ABLIM1: variants seen among roughly 807,000 people sequenced by gnomAD.
The protein encoded by ABLIM1 is actin-binding LIM protein 1.
ABLIM1 carries 40 observed loss-of-function variants against 107.0 expected under a neutral mutation model. The observed-to-expected ratio is 0.37, with a 90% CI of 0.29 to 0.49. The LOEUF is 0.49. Among genes scored for constraint, ABLIM1 ranks in the 20% least tolerant of loss-of-function variants. The probability of loss-of-function intolerance (pLI) is 0.97; values close to 1 mark genes in which losing one functional copy is unlikely to be tolerated. For missense variants in ABLIM1, 857 were observed against 1,008.5 expected, an observed-to-expected ratio of 0.85 and a Z score of 2.04; for synonymous variants, 357 against 357.3, an observed-to-expected ratio of 1.00 and a Z score of 0.01.
intron 1 of ABLIM1, among the ~76,000 whole-genome samples, chr10:114,741,030 C>A (rs1238875311): frequency 1.4e-5 from 2 of 147,702 alleles, no homozygotes; most frequent in Admixed American, 6.8e-5. Context: ...GAGATCCTGT[C>A]TCAAAAAAAA....
At chr10:114,779,295 G>A in the ABLIM1 span, 28 of 152,196 alleles carry the variant, frequency 1.8e-4, no homozygotes, top group Non-Finnish European at 3.2e-4. Context: ...TTACAAAGGA[G>A]GAAACTGAAG....
chr10:114,465,879 C>T (rs777870998), intron 11 of ABLIM1, 52 bp from the exon 12 acceptor site: 1 of 1,584,896 alleles, frequency 6.3e-7, no homozygotes, highest in Non-Finnish European at 8.6e-7. Flanking sequence ...CAGTAGGAAC[C>T]ACGCTTCACA....
At chr10:114,476,646 AAATAATAAT>A (rs141618382) in intron 8 of ABLIM1, among the ~76,000 whole-genome samples, 24 of 143,278 alleles carry the variant, frequency 1.7e-4, no homozygotes, top group South Asian at 4.5e-4. Context: ...CTCTGCCTCA[AAATAATAAT>A]AATAATAATA....
intron 6 of ABLIM1, among the ~76,000 whole-genome samples, chr10:114,495,527 T>C (rs2059552958): frequency 6.6e-6 from 1 of 152,010 alleles, no homozygotes; most frequent in South Asian, 2.1e-4. Flanking sequence ...GTGATGGTAA[T>C]GATGGTGACA....
chr10:114,451,077 T>A (rs1168853526), intron 14 of ABLIM1, among the ~76,000 whole-genome samples: 1 of 152,118 alleles, frequency 6.6e-6, no homozygotes, highest in Admixed American at 6.5e-5. Flanking sequence ...CACAGAGAAA[T>A]GACGTCACAG....
Position 114,601,049 on chromosome 10 carries a change from T to TAC in ABLIM1, c.379+776_379+777dup, listed in dbSNP as rs59709817. 7.1e-3 allele frequency among the ~76,000 whole-genome samples: 914 copies of TAC among 128,562 alleles called. 2 individuals are homozygous for TAC. The highest frequency in any genetic ancestry group is 8.5e-3 in the Non-Finnish European group (524 of 61,512). 84.3% of individuals were successfully genotyped at this position (128,562 alleles called of 152,430 possible). A position where few individuals can be genotyped will look rare whatever the true frequency, so the allele number is the denominator to read the frequency against. ...TTGTTGCTTAATTCTCACATCTCAA[T>TAC]ACACACACACACACACACACACACA... On this transcript the variant is annotated intron_variant, in intron 2 of 22. Transcript: ENST00000533213.
At chr10:114,590,075 A>G (rs1235560087) in intron 2 of ABLIM1, among the ~76,000 whole-genome samples, 1 of 152,158 alleles carries the variant, frequency 6.6e-6, no homozygotes, top group Non-Finnish European at 1.5e-5. Flanking sequence ...AGATACACAA[A>G]TACTTACCAT....
At chr10:114,584,370 T>C (rs2073963995) in intron 2 of ABLIM1, among the ~76,000 whole-genome samples, 1 of 152,178 alleles carries the variant, frequency 6.6e-6, no homozygotes, top group Non-Finnish European at 1.5e-5. Flanking sequence ...TGTTAGTCTA[T>C]TCATCAAACC....
rs114282571 is a variant in ABLIM1 at position 114,449,223 on chromosome 10, A to G, written c.1595-1203T>C. 4.2e-3 allele frequency among the ~76,000 whole-genome samples: 646 copies of G among 152,364 alleles called. 6 individuals carry two copies. Among genetic ancestry groups the G allele is most frequent in the African/African-American group, 0.015 (617 of 41,592 alleles). On this transcript the variant is annotated intron_variant, in intron 14 of 22. Transcript: ENST00000533213. ...GCAAAACAAACCAGGTTAAATGGAC[A>G]GTCCCTGATTCTGGCTAATTTTGCA...
At chr10:114,527,352 T>C (rs1022615677) in intron 6 of ABLIM1, among the ~76,000 whole-genome samples, 2 of 152,254 alleles carry the variant, frequency 1.3e-5, no homozygotes, top group Admixed American at 1.3e-4. Context: ...ACAAATATGA[T>C]TGGAAAACCT....
At chr10:114,681,706 G>A (rs185736141) in intron 1 of ABLIM1, among the ~76,000 whole-genome samples, 45 of 152,348 alleles carry the variant, frequency 3.0e-4, no homozygotes, top group Non-Finnish European at 4.9e-4. Context: ...CCTGTTCCAG[G>A]AAGATATTCA....
intron 1 of ABLIM1, among the ~76,000 whole-genome samples, chr10:114,637,714 A>G (rs1470003424): frequency 6.6e-6 from 1 of 152,216 alleles, no homozygotes; most frequent in Non-Finnish European, 1.5e-5. Context: ...CAAAAAATAA[A>G]TCATTTTCCT....
At chr10:114,463,743 T>C (rs1044427925) in intron 12 of ABLIM1, among the ~76,000 whole-genome samples, 1 of 152,112 alleles carries the variant, frequency 6.6e-6, no homozygotes, top group African/African-American at 2.4e-5. Flanking sequence ...GAATGGACCA[T>C]TCAAATTCAA....
chr10:114,567,033 A>C (rs1446338116), intron 4 of ABLIM1, among the ~76,000 whole-genome samples: 1 of 152,244 alleles, frequency 6.6e-6, no homozygotes, highest in Non-Finnish European at 1.5e-5. Flanking sequence ...TGGGCGACAG[A>C]GCGAGACTCT....
intron 1 of ABLIM1, among the ~76,000 whole-genome samples, chr10:114,667,136 C>G (rs865890738): frequency 1.9e-4 from 29 of 152,294 alleles, no homozygotes; most frequent in Middle Eastern, 6.8e-3. Flanking sequence ...GATTTAAACC[C>G]TCCTACTCAC....
intron 2 of ABLIM1, among the ~76,000 whole-genome samples, chr10:114,597,927 C>T (rs2075592316): frequency 6.6e-6 from 1 of 152,170 alleles, no homozygotes; most frequent in South Asian, 2.1e-4. Flanking sequence ...TAGAACTGTG[C>T]TGTCCAATAC....
At position 114,580,206 on chromosome 10, in the gene ABLIM1, T is replaced by A. The variant is rs942060729; in HGVS notation, c.380-4607A>T. On this transcript the variant is annotated intron_variant, in intron 2 of 22. Transcript: ENST00000533213. The stretch of plus-strand genomic sequence containing the variant: ...TATTTTAATATTATATATTATATAT[T>A]ATATATATATATATTTTTTAGACAA... 3.8e-5 allele frequency among the ~76,000 whole-genome samples: 5 copies of A among 131,084 alleles called. No individual in the cohort carries two copies. In the South Asian group the frequency reaches 9.7e-4, roughly 25 times the overall value. 86.0% of individuals were successfully genotyped at this position (131,084 alleles called of 152,430 possible).
In ABLIM1 at chr10:114,435,148, A is replaced by G. The variant is rs2059245181; in HGVS notation, c.*1112T>C. On this transcript the variant is annotated 3_prime_UTR_variant, in exon 23 of 23. Transcript: ENST00000533213. ...GGGCAAGAAGAAAGCTGAAAAGGCC[A>G]AATTAAATACGTTCGAAGGAGTCTA... is the stretch of plus-strand genomic sequence containing the variant. 6.6e-6 allele frequency: 1 copy of G among 152,244 alleles called. No homozygotes were observed. Among genetic ancestry groups the G allele is most frequent in the Non-Finnish European group, 1.5e-5 (1 of 68,038 alleles). 9.4% of individuals were successfully genotyped at this position (152,244 alleles called of 1,614,324 possible).
At chr10:114,680,043 C>T (rs944034082) in intron 1 of ABLIM1, among the ~76,000 whole-genome samples, 2 of 152,138 alleles carry the variant, frequency 1.3e-5, no homozygotes, top group African/African-American at 4.8e-5. Flanking sequence ...AAGCAAAACA[C>T]ACAGACATAA....
Sources: allele counts gnomAD v4.1 joint callset (sites outside exome capture counted in the v4.1 genomes callset), GRCh38; gene constraint gnomAD v4.1.1; transcripts MANE v1.5; gene names NCBI Gene and HGNC (gene_info 2026-07-23, HGNC 2026-07-21).